The following AK9 variants were observed in gnomAD, a reference collection of about 807,000 sequenced individuals.
AK9 encodes the protein adenylate kinase domain containing 1.
A neutral mutation model predicts 239.6 loss-of-function variants in AK9; 191 were observed. That is an observed-to-expected ratio of 0.80 (90% confidence interval 0.71 to 0.90). The LOEUF (loss-of-function observed/expected upper bound fraction) is 0.90, where lower values mean the gene tolerates loss of function less well. AK9 is among the 40% of genes least tolerant of loss of function. AK9 has a pLI of 0.00. For missense variants in AK9, 1,995 were observed against 2,214.7 expected (o/e 0.90, Z 1.99); for synonymous variants, 689 against 721.0 (o/e 0.96, Z 0.71).
intron 19 of AK9, among the ~76,000 whole-genome samples, chr6:109,583,434 C>G (rs1226613140): frequency 6.6e-6 from 1 of 152,132 alleles, no homozygotes; most frequent in African/African-American, 2.4e-5. Context: ...AGATGCAGTT[C>G]TTAATCCTGT....
chr6:109,659,292 T>G lies in AK9; in HGVS notation c.566A>C (p.Lys189Thr), dbSNP rs756376442. 3.1e-6 allele frequency: 5 copies of G among 1,606,754 alleles called. No homozygotes were observed. In the African/African-American group the frequency reaches 6.7e-5, roughly 22 times the overall value. ...TCCTTTTCCGTCCTTTTGGGCTTCTTTCTTCTTTTTCCTATGATTCTCAAT... is the reference window on the plus strand; with the variant it reads ...TCCTTTTCCGTCCTTTTGGGCTTCTGTCTTCTTTTTCCTATGATTCTCAAT... ...EVIENHRKKK[K>T]EAQKDGKGEE... Residue 189 changes from lysine to threonine, a missense_variant, in exon 7 of 41, where the codon AAA becomes ACA. By Grantham distance (78) the Lys-to-Thr change is moderately conservative (BLOSUM62 -1). Coordinates refer to ENST00000424296, the MANE Select transcript of AK9 (RefSeq NM_001145128.3).
chr6:109,528,833 A>G, intron 29 of AK9, 178 bp downstream of exon 29: 1 of 1,116,090 alleles, frequency 9.0e-7, no homozygotes, highest in Non-Finnish European at 1.3e-6. Flanking sequence ...TTAAGCCAGA[A>G]GGCAAAGGCT....
chr6:109,674,246 T>C lies in AK9; in HGVS notation c.133A>G (p.Thr45Ala). The change falls in exon 3 of 41, where the codon ACA (threonine) becomes GCA (alanine). Residue 45 changes from threonine (T) to alanine (A), a missense_variant. Around this residue, in one of 5 missense-constraint regions of AK9, gnomAD observed 252 missense variants for 246.4 expected, o/e 1.02. Transcript: ENST00000424296. ...VFGKPGVGKT[T>A]LARYITQAWK... is the part of the protein sequence containing the mutation. ...GCCTGTGTTATGTAACGGGCTAATG[T>C]TGTTTTCCCAACACCCTTAAAAAGA... 1 of 1,587,366 alleles carries C rather than the reference T, an allele frequency of 6.3e-7. No homozygotes were observed. The highest frequency in any genetic ancestry group is 1.2e-5 in the South Asian group (1 of 85,854).
At chr6:109,556,824 C>A (rs976852486) in intron 24 of AK9, among the ~76,000 whole-genome samples, 4 of 151,912 alleles carry the variant, frequency 2.6e-5, no homozygotes, top group Non-Finnish European at 5.9e-5. Context: ...GTATGCTTCA[C>A]AAAGTTCTCA....
intron 36 of AK9, among the ~76,000 whole-genome samples, chr6:109,498,258 G>A (rs1040813222): frequency 2.0e-5 from 3 of 152,220 alleles, no homozygotes; most frequent in East Asian, 1.9e-4. Flanking sequence ...CTGCCAGCCC[G>A]TATTCCTGTC....
chr6:109,546,510 C>T (rs547466517), intron 25 of AK9, among the ~76,000 whole-genome samples: 4 of 152,280 alleles, frequency 2.6e-5, no homozygotes, highest in African/African-American at 7.2e-5. Flanking sequence ...AATTTACAGC[C>T]TTCTCCATTT....
intron 17 of AK9, among the ~76,000 whole-genome samples, chr6:109,599,183 T>C (rs1465184684): frequency 6.6e-6 from 1 of 152,234 alleles, no homozygotes; most frequent in East Asian, 1.9e-4. Context: ...GCCTAGGTTT[T>C]CTTCTAGGGT....
intron 17 of AK9, among the ~76,000 whole-genome samples, chr6:109,605,824 A>G (rs1046672634): frequency 6.6e-6 from 1 of 152,118 alleles, no homozygotes; most frequent in African/African-American, 2.4e-5. Context: ...TTGGGAATAT[A>G]CTGAGGTGAT....
chr6:109,653,739 G>GCA (rs1459025873), intron 8 of AK9, among the ~76,000 whole-genome samples: 2 of 150,486 alleles, frequency 1.3e-5, no homozygotes, highest in African/African-American at 4.9e-5. Context: ...TTGCCATGTG[G>GCA]CACAGGCTGG....
chr6:109,569,045 G>C lies in AK9; in HGVS notation c.2345-4200C>G, dbSNP rs140982406. On this transcript the variant is annotated intron_variant, in intron 21 of 40. Coordinates refer to ENST00000424296, the MANE Select transcript of AK9 (RefSeq NM_001145128.3). ...CTTCAAACTATGCTACAAGGCTACAGTAACCAAAACAGTATGGTACTGGTA... is the reference window on the plus strand; with the variant it reads ...CTTCAAACTATGCTACAAGGCTACACTAACCAAAACAGTATGGTACTGGTA... Among the ~76,000 whole-genome samples the C allele has an allele frequency of 3.7e-3, 566 of 152,302 alleles. 1 individual carries two copies. Among genetic ancestry groups the C allele is most frequent in the South Asian group, 8.5e-3 (41 of 4,826 alleles).
chr6:109,660,667 T>G (rs1453306614), intron 6 of AK9, among the ~76,000 whole-genome samples: 1 of 152,188 alleles, frequency 6.6e-6, no homozygotes, highest in African/African-American at 2.4e-5. Context: ...AAGGACTATC[T>G]CCTTCAGCTG....
At chr6:109,652,350 A>G (rs1474609169) in intron 8 of AK9, among the ~76,000 whole-genome samples, 2 of 142,196 alleles carry the variant, frequency 1.4e-5, no homozygotes. Context: ...AAAAAAATTC[A>G]ACAGCCTTCA....
intron 1 of AK9, among the ~76,000 whole-genome samples, chr6:109,682,420 C>A (rs1401038837): frequency 1.1e-4 from 6 of 54,956 alleles, no homozygotes; most frequent in African/African-American, 8.7e-4. Flanking sequence ...GAGCAAGACT[C>A]CGTCTCAAAA....
At chr6:109,625,242 T>C (rs1354422582) in intron 12 of AK9, among the ~76,000 whole-genome samples, 1 of 152,214 alleles carries the variant, frequency 6.6e-6, no homozygotes, top group Non-Finnish European at 1.5e-5. Flanking sequence ...AATGTCTTTG[T>C]GTTAACTCAT....
chr6:109,627,133 C>CT (rs71018357), intron 12 of AK9, among the ~76,000 whole-genome samples: 22,427 of 67,324 alleles, frequency 0.33, 6,019 homozygotes, highest in East Asian at 0.47. Context: ...GATGTTTAAG[C>CT]TTTTTTTTTT....
intron 21 of AK9, among the ~76,000 whole-genome samples, chr6:109,567,472 C>T (rs891650887): frequency 6.6e-6 from 1 of 152,056 alleles, no homozygotes. Flanking sequence ...TAGGACCAGA[C>T]AGATTCACGG....
intron 3 of AK9, 110 bp from the exon 4 acceptor site, chr6:109,672,277 C>T: frequency 2.0e-6 from 2 of 983,258 alleles, no homozygotes; most frequent in Non-Finnish European, 3.1e-6. Context: ...TTGTGCATCA[C>T]TTTATAATTT....
At chr6:109,668,148 C>T (rs1306455913) in intron 5 of AK9, among the ~76,000 whole-genome samples, 1 of 152,134 alleles carries the variant, frequency 6.6e-6, no homozygotes, top group African/African-American at 2.4e-5. Context: ...TCTTGGACGG[C>T]CAGTGATGAT....
chr6:109,641,411 C>A, intron 10 of AK9, 107 bp downstream of exon 10: 1 of 664,452 alleles, frequency 1.5e-6, no homozygotes, highest in Non-Finnish European at 2.4e-6. Context: ...TGGTCTCAGA[C>A]TCCTGGGCTC....
Sources: allele counts gnomAD v4.1 joint callset (sites outside exome capture counted in the v4.1 genomes callset), GRCh38; gene constraint gnomAD v4.1.1; regional missense constraint gnomAD v4.1.1; transcripts MANE v1.5; gene names NCBI Gene and HGNC (gene_info 2026-07-23, HGNC 2026-07-21).